SLC24A4: variants seen among roughly 807,000 people sequenced by gnomAD.
The protein encoded by SLC24A4 is solute carrier family 24 member 4.
In SLC24A4, 53 loss-of-function variants were observed where a neutral mutation model predicts 79.0. The ratio of observed to expected loss-of-function variants is 0.67; its 90% CI spans 0.54 to 0.84. The LOEUF is 0.84. Among genes scored for constraint, SLC24A4 ranks in the 40% least tolerant of loss-of-function variants. The pLI is 0.00. For missense variants in SLC24A4, 731 were observed against 822.0 expected, an observed-to-expected ratio of 0.89 and a Z score of 1.35; for synonymous variants, 323 against 323.8, an observed-to-expected ratio of 1.00 and a Z score of 0.03.
At chr14:92,475,936 C>T (rs1355669701) in intron 12 of SLC24A4, among the ~76,000 whole-genome samples, 3 of 152,092 alleles carry the variant, frequency 2.0e-5, no homozygotes, top group Non-Finnish European at 2.9e-5. Context: ...AGCAATGGAA[C>T]GGGTCGGTTG....
chr14:92,474,852 T>TATAG (rs1555374588), intron 12 of SLC24A4, among the ~76,000 whole-genome samples: 6 of 60,598 alleles, frequency 9.9e-5, no homozygotes, highest in South Asian at 5.2e-4. Flanking sequence ...TGTATATATA[T>TATAG]ATATATATAT....
chr14:92,353,193 G>A lies in SLC24A4; in HGVS notation c.241+27215G>A, dbSNP rs1776518186. Among the ~76,000 whole-genome samples, 1 of 152,162 alleles carries A rather than the reference G, an allele frequency of 6.6e-6. No individual in the cohort carries two copies. Among genetic ancestry groups the A allele is most frequent in the Admixed American group, 6.5e-5 (1 of 15,272 alleles). On this transcript the variant is annotated intron_variant, in intron 2 of 16. Coordinates refer to ENST00000532405, the MANE Select transcript of SLC24A4 (RefSeq NM_153646.4). This position sits in a 1 kb window ranked among gnomAD's most constrained non-coding sequence, Gnocchi z 4.1. Reference sequence around the variant, plus strand: ...CTCAAATATTTCAAGCTGTCATCAGGAGCATGACATACTCTTTGATCCGTA... The same window carrying A: ...CTCAAATATTTCAAGCTGTCATCAGAAGCATGACATACTCTTTGATCCGTA...
At chr14:92,446,300 C>T (rs892206872) in intron 8 of SLC24A4, among the ~76,000 whole-genome samples, 1 of 152,100 alleles carries the variant, frequency 6.6e-6, no homozygotes, top group African/African-American at 2.4e-5. Context: ...GTGCATGCCA[C>T]CACACCTGTC....
Position 92,346,891 on chromosome 14 carries a change from T to C in SLC24A4, c.241+20913T>C, listed in dbSNP as rs568994181. On this transcript the variant is annotated intron_variant, in intron 2 of 16. Transcript: ENST00000532405. The stretch of plus-strand genomic sequence containing the variant: ...CTGGGTTGGGTGGGGATGTGGCCTC[T>C]CTTGCTCTCAAAGATTCTGTGTATG... 7.2e-5 allele frequency among the ~76,000 whole-genome samples: 11 copies of C among 152,240 alleles called. No individual in the cohort carries two copies. The South Asian group carries it at 1.5e-3, about 20-fold the overall frequency.
chr14:92,475,797 G>A (rs1180757747), intron 12 of SLC24A4, among the ~76,000 whole-genome samples: 1 of 152,180 alleles, frequency 6.6e-6, no homozygotes, highest in Non-Finnish European at 1.5e-5. Context: ...GTTTCCTGGA[G>A]TAATACTGAA....
intron 12 of SLC24A4, among the ~76,000 whole-genome samples, chr14:92,459,785 C>T (rs552935130): frequency 1.8e-4 from 28 of 152,168 alleles, no homozygotes; most frequent in Admixed American, 1.2e-3. Flanking sequence ...AATTGAGGCC[C>T]GGGGTAGGCA....
intron 2 of SLC24A4, among the ~76,000 whole-genome samples, chr14:92,373,173 C>T (rs1038405977): frequency 4.6e-5 from 2 of 43,304 alleles, no homozygotes; most frequent in Non-Finnish European, 9.3e-5. Flanking sequence ...CTAATTTATA[C>T]ACACACACAC....
chr14:92,351,483 T>C (rs1363205613), intron 2 of SLC24A4, among the ~76,000 whole-genome samples: 1 of 152,216 alleles, frequency 6.6e-6, no homozygotes. Context: ...AAAATATTTC[T>C]AAACTTTCTT....
Position 92,353,135 on chromosome 14 carries a change from T to A in SLC24A4, c.241+27157T>A, listed in dbSNP as rs1028563100. ...CCTCAAAGGCAACCCTTTAGCAGTT[T>A]GTGCATGCATAGAATATGGGCCTAT... On this transcript the variant is annotated intron_variant, in intron 2 of 16. Coordinates refer to ENST00000532405, the MANE Select transcript of SLC24A4 (RefSeq NM_153646.4). The surrounding 1 kb of genome is among the most constrained non-coding windows in gnomAD (Gnocchi z 4.1). Among the ~76,000 whole-genome samples, 2 of 152,212 alleles carry A rather than the reference T, an allele frequency of 1.3e-5. No individual in the cohort carries two copies. Among genetic ancestry groups the A allele is most frequent in the African/African-American group, 2.4e-5 (1 of 41,466 alleles).
intron 2 of SLC24A4, among the ~76,000 whole-genome samples, chr14:92,383,396 T>C (rs569329903): frequency 6.6e-6 from 1 of 151,968 alleles, no homozygotes; most frequent in South Asian, 2.1e-4. Flanking sequence ...ACAAAACACC[T>C]GAATGTCACA....
chr14:92,409,828 C>T (rs1232383628), intron 2 of SLC24A4, among the ~76,000 whole-genome samples: 2 of 152,084 alleles, frequency 1.3e-5, no homozygotes, highest in East Asian at 1.9e-4. Flanking sequence ...AAATGTGGAA[C>T]ACATACACCA....
chr14:92,354,109 T>C (rs767476618), intron 2 of SLC24A4, among the ~76,000 whole-genome samples: 1 of 151,814 alleles, frequency 6.6e-6, no homozygotes, highest in African/African-American at 2.4e-5. Flanking sequence ...GAGGAAGGCG[T>C]GTTTAGCCTC....
At position 92,484,002 on chromosome 14, in the gene SLC24A4, G is replaced by T. The variant is rs190771934; in HGVS notation, c.1422+1156G>T. ...GGATCCTGGATCACATGAGAACAGC[G>T]CTGAATCCTAGTCCTACCTCTTGCA... On this transcript the variant is annotated intron_variant, in intron 13 of 16. Transcript: ENST00000532405. 3.2e-5 allele frequency: 32 copies of T among 985,370 alleles called. No individual in the cohort carries two copies. In the African/African-American group the frequency reaches 5.2e-4, roughly 16 times the overall value. The allele number at this position is 985,370 out of a possible 1,614,324, so 61.0% of individuals were successfully genotyped here.
At chr14:92,434,058 C>G in intron 3 of SLC24A4, 70 bp downstream of exon 3, 3 of 1,183,114 alleles carry the variant, frequency 2.5e-6, no homozygotes, top group South Asian at 2.4e-5. Flanking sequence ...CGGGGCAGAG[C>G]CGTGGCGTGT....
At chr14:92,428,415 A>G (rs552699447) in intron 2 of SLC24A4, among the ~76,000 whole-genome samples, 1 of 152,300 alleles carries the variant, frequency 6.6e-6, no homozygotes, top group African/African-American at 2.4e-5. Context: ...ACCCATATCT[A>G]GGGTCCCTGA....
chr14:92,325,717 T>C lies in SLC24A4; in HGVS notation c.131-151T>C. On this transcript the variant is annotated intron_variant, in intron 1 of 16. Coordinates refer to ENST00000532405, the MANE Select transcript of SLC24A4 (RefSeq NM_153646.4). ...GGCCATTGTATGTAAGCAGGTGATA[T>C]TATACTTCCAATCATCCTATCAGTC... 3 of 588,992 alleles carry C rather than the reference T, an allele frequency of 5.1e-6. No individual in the cohort carries two copies. In the South Asian group the frequency reaches 6.1e-5, roughly 12 times the overall value. The allele number at this position is 588,992 out of a possible 1,614,324, so 36.5% of individuals were successfully genotyped here.
chr14:92,483,797 C>G, intron 13 of SLC24A4: 1 of 1,290,074 alleles, frequency 7.8e-7, no homozygotes, highest in Non-Finnish European at 1.0e-6. Context: ...CTCTCAGCCC[C>G]TTACACCCTA....
chr14:92,351,235 C>T (rs1044421157), intron 2 of SLC24A4, among the ~76,000 whole-genome samples: 7 of 130,674 alleles, frequency 5.4e-5, no homozygotes, highest in Non-Finnish European at 1.1e-4. Flanking sequence ...CACACATACA[C>T]GCACACACAC....
chr14:92,494,290 A>G lies in SLC24A4; in HGVS notation c.*662A>G, dbSNP rs1006800985. 4 of 152,756 alleles carry G rather than the reference A, an allele frequency of 2.6e-5. No individual in the cohort carries two copies. In the East Asian group the frequency reaches 7.7e-4, roughly 29 times the overall value. The allele number at this position is 152,756 out of a possible 1,614,324, so 9.5% of individuals were successfully genotyped here. A position where few individuals can be genotyped will look rare whatever the true frequency, so the allele number is the denominator to read the frequency against. ...TCTTCTCACTTTTATTGATGCATTC[A>G]GAGAATAAGCAATGAAATATTAAAA... On this transcript the variant is annotated 3_prime_UTR_variant, in exon 17 of 17. Transcript: ENST00000532405. This position sits in a 1 kb window ranked among gnomAD's most constrained non-coding sequence, Gnocchi z 4.6.
Sources: gnomAD v4.1 joint callset for allele counts (sites outside exome capture counted in the v4.1 genomes callset) on GRCh38, gnomAD v4.1.1 for gene constraint, Gnocchi (gnomAD v3.1) non-coding constraint, MANE v1.5 for transcripts, NCBI Gene and HGNC (gene_info 2026-07-23, HGNC 2026-07-21) for gene names.